DSC3: variants seen among roughly 807,000 people sequenced by gnomAD.
DSC3 encodes desmocollin 3, also known as desmocollin-3.
Under a neutral mutation model 89.5 loss-of-function variants are expected in DSC3, and 97 were observed. The ratio of observed to expected loss-of-function variants is 1.08; its 90% CI spans 0.92 to 1.28. DSC3 has a LOEUF of 1.28. Among genes scored for constraint, DSC3 ranks in the 50% most tolerant of loss-of-function variants. The pLI is 0.00. For synonymous variants in DSC3, 436 were observed against 384.1 expected (o/e 1.14, Z -1.58); for missense variants, 1,199 against 1,085.3 (o/e 1.10, Z -1.47).
rs1488938627 is a variant in DSC3, at chr18:31,025,865, T to C, written c.525A>G (p.Gly175=). Residue 175 remains glycine, a synonymous_variant, in exon 5 of 16, where the codon GGA becomes GGG. Coordinates refer to ENST00000360428, the MANE Select transcript of DSC3 (RefSeq NM_001941.5). The part of the protein sequence containing the change: ...QNYTVFYSIS[G]RGVDKEPLNL... ...TTAAAGGTTCTTTATCAACTCCACG[T>C]CCACTTATTGAGTAGAAGACAGTAT... 4 of 1,613,164 alleles carry C rather than the reference T, an allele frequency of 2.5e-6. No individual in the cohort carries two copies. Among genetic ancestry groups the C allele is most frequent in the Non-Finnish European group, 3.4e-6 (4 of 1,179,356 alleles).
At chr18:31,003,452 C>T (rs1401750914) in intron 13 of DSC3, among the ~76,000 whole-genome samples, 1 of 152,186 alleles carries the variant, frequency 6.6e-6, no homozygotes, top group East Asian at 1.9e-4. Flanking sequence ...TTACTACGTA[C>T]TGTTCTAAGC....
At position 31,042,698 on chromosome 18, in the gene DSC3, G is replaced by A. The variant is rs769092841; in HGVS notation, c.-38C>T. 9.7e-5 allele frequency: 149 copies of A among 1,539,796 alleles called. No individual in the cohort carries two copies. In the Middle Eastern group the frequency reaches 2.6e-3, roughly 27 times the overall value. On this transcript the variant is annotated 5_prime_UTR_variant, in exon 1 of 16. Transcript: ENST00000360428. ...CAGGGCCAGGAGAACGCGGGCGCCG[G>A]GAGGGTGCCGAGAGCGAGACCTGCC...
At position 31,008,265 on chromosome 18, in the gene DSC3, T is replaced by C. The variant is rs778292438; in HGVS notation, c.1520+4A>G. 1 of 1,613,928 alleles carries C rather than the reference T, an allele frequency of 6.2e-7. No individual in the cohort carries two copies. The highest frequency in any genetic ancestry group is 8.5e-7 in the Non-Finnish European group (1 of 1,179,890). ...TTAGTATGTGGTTATAGATTTATTTTTACCTTAAACCATTGCCATTTCTAT... is the reference window on the plus strand; with the variant it reads ...TTAGTATGTGGTTATAGATTTATTTCTACCTTAAACCATTGCCATTTCTAT... On this transcript the variant is annotated splice_donor_region_variant and intron_variant, in intron 10 of 15. Coordinates refer to ENST00000360428, the MANE Select transcript of DSC3 (RefSeq NM_001941.5).
chr18:31,030,817 G>A (rs985812444), intron 3 of DSC3, among the ~76,000 whole-genome samples, 156 bp downstream of exon 3: 1 of 151,032 alleles, frequency 6.6e-6, no homozygotes. Flanking sequence ...GGAGGGGAAG[G>A]AAAAGGGTAA....
intron 1 of DSC3, among the ~76,000 whole-genome samples, chr18:31,038,254 A>G (rs1280748985): frequency 6.6e-6 from 1 of 152,224 alleles, no homozygotes; most frequent in African/African-American, 2.4e-5. Context: ...GTTCTTTGAA[A>G]CAATTTACAT....
At chr18:31,025,952 C>T in intron 4 of DSC3, 37 bp from the exon 5 acceptor site, 10 of 1,577,746 alleles carry the variant, frequency 6.3e-6, no homozygotes, top group Non-Finnish European at 8.7e-6. Context: ...AAAATTAAAA[C>T]TAAATTCAGT....
intron 14 of DSC3, among the ~76,000 whole-genome samples, chr18:30,998,214 A>T (rs960365116): frequency 2.0e-5 from 3 of 152,152 alleles, no homozygotes; most frequent in African/African-American, 4.8e-5. Context: ...AATGATAAGG[A>T]CCTAAGCCAA....
At chr18:31,013,169 A>C (rs548414602) in intron 9 of DSC3, among the ~76,000 whole-genome samples, 1 of 152,322 alleles carries the variant, frequency 6.6e-6, no homozygotes, top group Admixed American at 6.5e-5. Flanking sequence ...ACAATAAATT[A>C]ACGGTACAAA....
chr18:31,037,040 C>T (rs922804248), intron 1 of DSC3, among the ~76,000 whole-genome samples: 1 of 152,056 alleles, frequency 6.6e-6, no homozygotes, highest in Admixed American at 6.6e-5. Context: ...ATCTGTCTGC[C>T]TCAGCCTCCC....
chr18:31,024,582 T>C (rs1985535825), intron 5 of DSC3, 89 bp from the exon 6 acceptor site: 2 of 1,416,104 alleles, frequency 1.4e-6, no homozygotes, highest in South Asian at 1.3e-5. Flanking sequence ...CTTGCAAATC[T>C]TTTCAATAAT....
chr18:31,001,732 C>T lies in DSC3; in HGVS notation c.2121G>A (p.Leu707=), dbSNP rs1567949842. The change falls in exon 14 of 16, where the codon TTG becomes TTA. Residue 707 remains leucine, a synonymous_variant. Coordinates refer to ENST00000360428, the MANE Select transcript of DSC3 (RefSeq NM_001941.5). ...LLGIALLFSV[L]LTLVCGVFGA... Reference sequence around the variant, plus strand: ...CAAAAACTCCACATACTAAAGTTAGCAATACAGCTGAATTTAAAAATAAAA... The same window carrying T: ...CAAAAACTCCACATACTAAAGTTAGTAATACAGCTGAATTTAAAAATAAAA... The T allele has an allele frequency of 1.3e-6, 2 of 1,596,178 alleles. No homozygotes were observed. Among genetic ancestry groups the T allele is most frequent in the Non-Finnish European group, 1.7e-6 (2 of 1,172,602 alleles).
At chr18:31,028,044 T>C (rs755997206) in intron 4 of DSC3, among the ~76,000 whole-genome samples, 72 of 152,124 alleles carry the variant, frequency 4.7e-4, no homozygotes, top group Non-Finnish European at 9.0e-4. Context: ...CAAGTGTTAA[T>C]ATCAATTAGA....
chr18:31,031,347 C>A (rs990862209), intron 2 of DSC3, among the ~76,000 whole-genome samples, 175 bp from the exon 3 acceptor site: 11 of 152,104 alleles, frequency 7.2e-5, no homozygotes, highest in African/African-American at 2.7e-4. Flanking sequence ...TGATCATTTT[C>A]TTTCAGTTAA....
intron 5 of DSC3, among the ~76,000 whole-genome samples, chr18:31,025,184 T>G (rs116175414): frequency 7.9e-5 from 12 of 152,200 alleles, no homozygotes; most frequent in Admixed American, 4.6e-4. Flanking sequence ...GAATGACACA[T>G]GACCTCACAG....
In DSC3 at chr18:31,018,159, T is replaced by C. The variant is rs372174429; in HGVS notation, c.1175A>G (p.Asn392Ser). ...TTCATTTCCCTTTAAAATGGTAAAA[T>C]TGACTCTCCAATTGGCAGTGTTAAT... is the stretch of plus-strand genomic sequence containing the variant. ...DLINTANWRV[N>S]FTILKGNENG... The change falls in exon 9 of 16, where the codon AAT becomes AGT. Residue 392 changes from asparagine (N) to serine (S), a missense_variant. Transcript: ENST00000360428. 10 of 1,612,480 alleles carry C rather than the reference T, an allele frequency of 6.2e-6. No homozygotes were observed. Among genetic ancestry groups the C allele is most frequent in the Non-Finnish European group, 7.6e-6 (9 of 1,179,130 alleles).
In DSC3 at chr18:31,008,325, T is replaced by C; in HGVS notation, c.1464A>G (p.Ser488=). 2 of 1,614,150 alleles carry C rather than the reference T, an allele frequency of 1.2e-6. No individual in the cohort carries two copies. Among genetic ancestry groups the C allele is most frequent in the East Asian group, 2.2e-5 (1 of 44,868 alleles). The change falls in exon 10 of 16, where the codon TCA becomes TCG. Residue 488 remains serine (S), a synonymous_variant. Transcript: ENST00000360428. ...CATATGCCTTATAGCCGTTGATCTT[T>C]GACCCCACTGCTAAGTTTTCTTTAA... ...VRIKENLAVG[S]KINGYKAYDP...
At chr18:31,041,635 C>G (rs1300615355) in intron 1 of DSC3, among the ~76,000 whole-genome samples, 1 of 152,190 alleles carries the variant, frequency 6.6e-6, no homozygotes, top group East Asian at 1.9e-4. Flanking sequence ...CCTTTCTGGG[C>G]GTGCGGAATG....
Position 31,042,695 on chromosome 18 carries a change from C to T in DSC3, c.-35G>A. On this transcript the variant is annotated 5_prime_UTR_variant, in exon 1 of 16. Coordinates refer to ENST00000360428, the MANE Select transcript of DSC3 (RefSeq NM_001941.5). ...GGGCAGGGCCAGGAGAACGCGGGCG[C>T]CGGGAGGGTGCCGAGAGCGAGACCT... 1 of 1,542,404 alleles carries T rather than the reference C, an allele frequency of 6.5e-7. No homozygotes were observed. Among genetic ancestry groups the T allele is most frequent in the Non-Finnish European group, 8.8e-7 (1 of 1,142,354 alleles).
intron 6 of DSC3, among the ~76,000 whole-genome samples, chr18:31,023,366 G>A (rs922267874): frequency 2.0e-5 from 3 of 152,000 alleles, no homozygotes; most frequent in African/African-American, 7.2e-5. Flanking sequence ...CATCAAAAAC[G>A]ATGTTTTCTA....
Sources: allele counts gnomAD v4.1 joint callset (sites outside exome capture counted in the v4.1 genomes callset), GRCh38; gene constraint gnomAD v4.1.1; transcripts MANE v1.5; gene names NCBI Gene and HGNC (gene_info 2026-07-23, HGNC 2026-07-21).